Variants in INPP4A observed in about 807,000 individuals in gnomAD.
INPP4A encodes the protein inositol polyphosphate-4-phosphatase, type I, 107kD.
Under a neutral mutation model 119.8 loss-of-function variants are expected in INPP4A, and 33 were observed. The observed-to-expected ratio is 0.28, with a 90% confidence interval of 0.21 to 0.37. The LOEUF is 0.37. Among genes scored for constraint, INPP4A ranks in the 10% least tolerant of loss-of-function variants. INPP4A has a pLI of 1.00. For missense variants in INPP4A, 956 were observed against 1,289.9 expected, an observed-to-expected ratio of 0.74 and a Z score of 3.97; for synonymous variants, 496 against 500.7, an observed-to-expected ratio of 0.99 and a Z score of 0.12.
intron 1 of INPP4A, among the ~76,000 whole-genome samples, chr2:98,487,902 C>T (rs770488153): frequency 2.0e-5 from 3 of 152,202 alleles, no homozygotes; most frequent in Non-Finnish European, 2.9e-5. Context: ...TCACAATAGG[C>T]AGTTTCAGCA....
intron 1 of INPP4A, among the ~76,000 whole-genome samples, chr2:98,474,597 C>G (rs1676822363): frequency 6.6e-6 from 1 of 152,188 alleles, no homozygotes; most frequent in East Asian, 1.9e-4. Flanking sequence ...AACCAGGCTT[C>G]TGGCCCTAGC....
In INPP4A at chr2:98,461,413, G is replaced by T. The variant is rs149529388; in HGVS notation, c.-166+16328G>T. 4.7e-3 allele frequency among the ~76,000 whole-genome samples: 716 copies of T among 152,326 alleles called. 6 individuals carry two copies. The highest frequency in any genetic ancestry group is 0.016 in the African/African-American group (682 of 41,558). On this transcript the variant is annotated intron_variant, in intron 1 of 24. Coordinates refer to ENST00000409851, the MANE Select transcript of INPP4A (RefSeq NM_001134225.2). ...AGCTTTGATTCTGTCACCTGCAGGG[G>T]TGCCTGCCCCAGAGCAGGGCTCCTT...
chr2:98,585,843 A>G (rs1360165095), intron 24 of INPP4A, among the ~76,000 whole-genome samples: 2 of 152,274 alleles, frequency 1.3e-5, no homozygotes, highest in Non-Finnish European at 2.9e-5. Context: ...GATAATGTCA[A>G]AGTTCACAAA....
chr2:98,558,928 G>GT (rs1354038921), intron 16 of INPP4A, among the ~76,000 whole-genome samples: 3 of 152,164 alleles, frequency 2.0e-5, no homozygotes, highest in Middle Eastern at 3.4e-3. Context: ...TTGGCATAGA[G>GT]TTTTTTTTGG....
chr2:98,462,832 A>G (rs941249459), intron 1 of INPP4A, among the ~76,000 whole-genome samples: 2 of 151,788 alleles, frequency 1.3e-5, no homozygotes, highest in Non-Finnish European at 2.9e-5. Flanking sequence ...ACACACAGAC[A>G]TTTTATTTTT....
In INPP4A at chr2:98,566,551, A is replaced by T. The variant is rs2083669168; in HGVS notation, c.2420+382A>T. Among the ~76,000 whole-genome samples the T allele has an allele frequency of 6.6e-6, 1 of 151,938 alleles. No individual in the cohort carries two copies. The highest frequency in any genetic ancestry group is 2.1e-4 in the South Asian group (1 of 4,808). ...GGAGTTGGATGATGAGGTGGAGGGG[A>T]GACATGTCAGATTAAGAAGACTGAA... On this transcript the variant is annotated intron_variant, in intron 21 of 24. Transcript: ENST00000409851. This position sits in a 1 kb window ranked among gnomAD's most constrained non-coding sequence, Gnocchi z 4.2.
chr2:98,475,184 A>G (rs1437060092), intron 1 of INPP4A, among the ~76,000 whole-genome samples: 1 of 152,104 alleles, frequency 6.6e-6, no homozygotes, highest in Non-Finnish European at 1.5e-5. Context: ...GCAAAGGCAT[A>G]GAGAGGGCAC....
At chr2:98,528,678 AG>A (rs1423246122) in intron 4 of INPP4A, among the ~76,000 whole-genome samples, 2 of 152,248 alleles carry the variant, frequency 1.3e-5, no homozygotes, top group Admixed American at 1.3e-4. Context: ...ATCATGTATA[AG>A]GGATCATCAA....
At chr2:98,515,890 G>T (rs1414421765) in intron 1 of INPP4A, among the ~76,000 whole-genome samples, 1 of 152,214 alleles carries the variant, frequency 6.6e-6, no homozygotes, top group Non-Finnish European at 1.5e-5. Flanking sequence ...ATGGGAAGTG[G>T]GATAGAACCT....
rs1479344130 is a variant in INPP4A, at chr2:98,538,749, G to A, written c.580-142G>A. The A allele has an allele frequency of 7.0e-6, 4 of 573,408 alleles. No homozygotes were observed. The African/African-American group carries it at 7.5e-5, about 11-fold the overall frequency. 35.5% of individuals were successfully genotyped at this position (573,408 alleles called of 1,614,324 possible). A position where few individuals can be genotyped will look rare whatever the true frequency, so the allele number is the denominator to read the frequency against. On this transcript the variant is annotated intron_variant, in intron 8 of 24. Coordinates refer to ENST00000409851, the MANE Select transcript of INPP4A (RefSeq NM_001134225.2). ...GGAGGTGAATGACTTTGTGGCTTGG[G>A]CAGCATATTTATTGTAGAGTTCATG...
intron 5 of INPP4A, among the ~76,000 whole-genome samples, chr2:98,535,413 T>C (rs1690045006): frequency 6.6e-6 from 1 of 152,224 alleles, no homozygotes; most frequent in Non-Finnish European, 1.5e-5. Flanking sequence ...ACATCCAACT[T>C]GTTTCAGTTT....
At chr2:98,477,235 A>C (rs912697065) in intron 1 of INPP4A, among the ~76,000 whole-genome samples, 1 of 152,168 alleles carries the variant, frequency 6.6e-6, no homozygotes, top group African/African-American at 2.4e-5. Context: ...TGGAGCCCGG[A>C]TGGTCTGGCT....
chr2:98,459,047 T>C (rs766255104), intron 1 of INPP4A, among the ~76,000 whole-genome samples: 3 of 152,208 alleles, frequency 2.0e-5, no homozygotes, highest in Admixed American at 6.5e-5. Flanking sequence ...GATTGGAGCA[T>C]TCATGGAGCA....
At chr2:98,500,194 T>G (rs1043441467) in intron 1 of INPP4A, among the ~76,000 whole-genome samples, 1 of 152,152 alleles carries the variant, frequency 6.6e-6, no homozygotes, top group African/African-American at 2.4e-5. Flanking sequence ...ACGCATGCTT[T>G]CTTACTTGAG....
At chr2:98,464,425 C>T (rs1558881547) in intron 1 of INPP4A, among the ~76,000 whole-genome samples, 2 of 152,150 alleles carry the variant, frequency 1.3e-5, no homozygotes, top group South Asian at 4.1e-4. Flanking sequence ...GTGCACAGAG[C>T]AAGGGCTGAA....
intron 1 of INPP4A, among the ~76,000 whole-genome samples, chr2:98,492,438 A>G (rs1574717068): frequency 6.6e-6 from 1 of 152,174 alleles, no homozygotes; most frequent in African/African-American, 2.4e-5. Flanking sequence ...TCCTACTATA[A>G]CATCTCTCTT....
chr2:98,555,901 C>A, intron 16 of INPP4A, 93 bp downstream of exon 16: 1 of 1,422,162 alleles, frequency 7.0e-7, no homozygotes, highest in Non-Finnish European at 9.4e-7. Context: ...CCCTCCTCCC[C>A]CATGCAGACT....
At chr2:98,527,945 A>G (rs1424279549) in intron 4 of INPP4A, among the ~76,000 whole-genome samples, 1 of 152,210 alleles carries the variant, frequency 6.6e-6, no homozygotes, top group Non-Finnish European at 1.5e-5. Context: ...CTCACATTAT[A>G]TTATTTAAAA....
chr2:98,536,824 T>C (rs1428860732), intron 7 of INPP4A, among the ~76,000 whole-genome samples: 5 of 152,204 alleles, frequency 3.3e-5, no homozygotes, highest in African/African-American at 1.2e-4. Flanking sequence ...GTCCCTGCAG[T>C]ATTGAGACAT....
Sources: allele counts gnomAD v4.1 joint callset (sites outside exome capture counted in the v4.1 genomes callset), GRCh38; gene constraint gnomAD v4.1.1; non-coding constraint Gnocchi (gnomAD v3.1); transcripts MANE v1.5; gene names NCBI Gene and HGNC (gene_info 2026-07-23, HGNC 2026-07-21).